CTIF: variants seen among roughly 807,000 people sequenced by gnomAD.
The protein encoded by CTIF is cap binding complex dependent translation initiation factor, also known as CBP80/20-dependent translation initiation factor.
A neutral mutation model predicts 66.0 loss-of-function variants in CTIF; 21 were observed. The observed-to-expected ratio is 0.32, with a 90% CI of 0.23 to 0.46. The LOEUF is 0.46. CTIF is among the 20% of genes least tolerant of loss of function. The pLI, the probability that CTIF is intolerant of heterozygous loss-of-function variation, is 1.00. For missense variants in CTIF, 739 were observed against 812.7 expected, an observed-to-expected ratio of 0.91 and a Z score of 1.10; for synonymous variants, 345 against 326.4, an observed-to-expected ratio of 1.06 and a Z score of -0.62.
At chr18:48,648,575 CT>C (rs1244736434) in intron 3 of CTIF, among the ~76,000 whole-genome samples, 1 of 152,052 alleles carries the variant, frequency 6.6e-6, no homozygotes, top group African/African-American at 2.4e-5. Context: ...TCCCCCTGTG[CT>C]TTCCCCCTCA....
At chr18:48,807,010 A>G (rs1043207638) in intron 9 of CTIF, among the ~76,000 whole-genome samples, 1 of 152,268 alleles carries the variant, frequency 6.6e-6, no homozygotes. Flanking sequence ...GCTGCCACCA[A>G]TCTGAGGCCC....
chr18:48,835,342 G>A (rs948423769), intron 10 of CTIF, among the ~76,000 whole-genome samples: 4 of 152,224 alleles, frequency 2.6e-5, no homozygotes, highest in East Asian at 1.9e-4. Flanking sequence ...GGCCATGGCT[G>A]TGCTGATGGT....
chr18:48,631,724 G>C lies in CTIF; in HGVS notation c.181-4890G>C, dbSNP rs138928640. Among the ~76,000 whole-genome samples the C allele has an allele frequency of 6.6e-5, 10 of 152,278 alleles. No homozygotes were observed. The East Asian group carries it at 1.9e-3, about 29-fold the overall frequency. On this transcript the variant is annotated intron_variant, in intron 2 of 11. Transcript: ENST00000256413. Reference sequence around the variant, plus strand: ...TGGTTGAGGCCTTTAAACCACTCTTGTGAATTTGATGCTCATCGTTCCCAT... The same window carrying C: ...TGGTTGAGGCCTTTAAACCACTCTTCTGAATTTGATGCTCATCGTTCCCAT...
chr18:48,561,475 TC>T (rs2145616617), intron 1 of CTIF, among the ~76,000 whole-genome samples: 1 of 151,816 alleles, frequency 6.6e-6, no homozygotes, highest in East Asian at 1.9e-4. Context: ...AGCAACGGAG[TC>T]TTTCGCAGCA....
chr18:48,853,081 C>A (rs1406958941), intron 10 of CTIF, among the ~76,000 whole-genome samples: 2 of 152,168 alleles, frequency 1.3e-5, no homozygotes, highest in African/African-American at 2.4e-5. Context: ...CACAGACTCT[C>A]AGCTGGGCGA....
intron 6 of CTIF, among the ~76,000 whole-genome samples, chr18:48,678,145 G>A (rs1352132393): frequency 6.6e-6 from 1 of 152,170 alleles, no homozygotes; most frequent in African/African-American, 2.4e-5. Context: ...GTCACGTACA[G>A]CAAGTTAGGG....
chr18:48,812,951 C>T (rs571064676), intron 9 of CTIF, among the ~76,000 whole-genome samples: 60 of 151,968 alleles, frequency 3.9e-4, no homozygotes, highest in African/African-American at 1.4e-3. Context: ...TTTTTGAAAA[C>T]TTCTCTAATT....
intron 9 of CTIF, among the ~76,000 whole-genome samples, chr18:48,809,265 G>A (rs2068214068): frequency 6.6e-6 from 1 of 152,052 alleles, no homozygotes; most frequent in Admixed American, 6.5e-5. Flanking sequence ...TCTTGTTAAT[G>A]ATACTCTTTA....
At chr18:48,806,388 A>G (rs891067872) in intron 9 of CTIF, among the ~76,000 whole-genome samples, 2 of 152,118 alleles carry the variant, frequency 1.3e-5, no homozygotes, top group African/African-American at 4.8e-5. Context: ...GCTAGCAGTA[A>G]ATAAAAGTGC....
intron 1 of CTIF, among the ~76,000 whole-genome samples, chr18:48,594,944 C>G (rs1260278108): frequency 6.6e-6 from 1 of 152,214 alleles, no homozygotes; most frequent in African/African-American, 2.4e-5. Flanking sequence ...CTGTCAGGGC[C>G]TGCTGGGCCC....
chr18:48,578,056 A>T (rs149688358), intron 1 of CTIF, among the ~76,000 whole-genome samples: 399 of 152,332 alleles, frequency 2.6e-3, no homozygotes, highest in African/African-American at 9.3e-3. Context: ...ACATTTTATA[A>T]ACATGGAGTT....
chr18:48,563,271 G>T (rs74700291), intron 1 of CTIF, among the ~76,000 whole-genome samples: 2,759 of 151,278 alleles, frequency 0.018, 86 homozygotes, highest in African/African-American at 0.062. Context: ...GGAAAGGCTG[G>T]GGTGACTCAC....
intron 9 of CTIF, among the ~76,000 whole-genome samples, chr18:48,804,060 C>G (rs1387246522): frequency 6.6e-6 from 1 of 152,224 alleles, no homozygotes; most frequent in African/African-American, 2.4e-5. Context: ...GTTTCTGTCA[C>G]TGGCATCCAA....
chr18:48,591,415 C>T (rs1183409255), intron 1 of CTIF, among the ~76,000 whole-genome samples: 1 of 152,210 alleles, frequency 6.6e-6, no homozygotes, highest in African/African-American at 2.4e-5. Context: ...AAGAAAAGGT[C>T]AACACCAGCC....
intron 7 of CTIF, among the ~76,000 whole-genome samples, chr18:48,727,160 A>C (rs1384525276): frequency 6.6e-6 from 1 of 152,098 alleles, no homozygotes; most frequent in Admixed American, 6.6e-5. Flanking sequence ...AGATACACTT[A>C]TTCAAGAAGA....
chr18:48,621,772 T>C (rs565576995), intron 2 of CTIF: 2 of 239,252 alleles, frequency 8.4e-6, no homozygotes, highest in South Asian at 4.2e-5. Context: ...ACTAGGAGAA[T>C]AGTACAACTG....
At chr18:48,659,199 A>T (rs2091298229) in intron 3 of CTIF, among the ~76,000 whole-genome samples, 1 of 152,078 alleles carries the variant, frequency 6.6e-6, no homozygotes, top group South Asian at 2.1e-4. Context: ...TGCAGTTCTT[A>T]TATCAAGTAG....
At chr18:48,826,879 T>TG (rs2068592737) in intron 10 of CTIF, 1 of 152,128 alleles carries the variant, frequency 6.6e-6, no homozygotes, top group African/African-American at 2.4e-5. Flanking sequence ...ACACTTATGA[T>TG]GGATTGTAAG....
At chr18:48,812,730 G>A (rs1445750772) in intron 9 of CTIF, among the ~76,000 whole-genome samples, 1 of 149,664 alleles carries the variant, frequency 6.7e-6, no homozygotes, top group African/African-American at 2.5e-5. Flanking sequence ...CTGCAGCCTG[G>A]GCAACAAAGC....
Sources: allele counts gnomAD v4.1 joint callset (sites outside exome capture counted in the v4.1 genomes callset), GRCh38; gene constraint gnomAD v4.1.1; transcripts MANE v1.5; gene names NCBI Gene and HGNC (gene_info 2026-07-23, HGNC 2026-07-21).